The following SLC26A5 variants were observed in gnomAD, a reference collection of about 807,000 sequenced individuals.
The protein encoded by SLC26A5 is prestin.
A neutral mutation model predicts 81.0 loss-of-function variants in SLC26A5; 51 were observed. The observed-to-expected ratio is 0.63, with a 90% confidence interval of 0.50 to 0.80. The LOEUF is 0.80. Ranked by LOEUF, SLC26A5 falls within the 30% of genes least tolerant of loss-of-function variation. SLC26A5 has a pLI of 0.00. For synonymous variants in SLC26A5, 325 were observed against 332.8 expected, an observed-to-expected ratio of 0.98 and a Z score of 0.25; for missense variants, 771 against 905.8, an observed-to-expected ratio of 0.85 and a Z score of 1.91.
chr7:103,428,767 C>A (rs1825872437), intron 2 of SLC26A5, among the ~76,000 whole-genome samples: 1 of 152,028 alleles, frequency 6.6e-6, no homozygotes, highest in African/African-American at 2.4e-5. Flanking sequence ...GGGGTTTCAC[C>A]ATGTTGGCAA....
At chr7:103,400,486 G>T (rs1237768474) in intron 8 of SLC26A5, among the ~76,000 whole-genome samples, 1 of 152,166 alleles carries the variant, frequency 6.6e-6, no homozygotes, top group South Asian at 2.1e-4. Context: ...CAGATGGACA[G>T]ATTGCAAAAA....
chr7:103,398,887 T>C (rs1823361214), intron 8 of SLC26A5, among the ~76,000 whole-genome samples: 1 of 152,086 alleles, frequency 6.6e-6, no homozygotes, highest in African/African-American at 2.4e-5. Context: ...GGAGGATCCT[T>C]TTCTGTTGAT....
At chr7:103,391,483 T>C (rs1822648599) in intron 11 of SLC26A5, 139 bp downstream of exon 11, 1 of 722,274 alleles carries the variant, frequency 1.4e-6, no homozygotes, top group Admixed American at 2.1e-5. Flanking sequence ...ATCATGCCTT[T>C]CTCTGATTCC....
rs72655382 is a variant in SLC26A5 at position 103,376,862 on chromosome 7, T to C, written c.1987A>G (p.Ile663Val). The C allele has an allele frequency of 4.3e-5, 69 of 1,589,162 alleles. No individual in the cohort carries two copies. Among genetic ancestry groups the C allele is most frequent in the Non-Finnish European group, 5.5e-5 (64 of 1,157,820 alleles). ...CCGACGTCTCCATATTCTTTTACAA[T>C]CTGTAATAATGTTGAAATAAAATTT... ...DSVGVKTLAG[I>V]VKEYGDVGIY... is the part of the protein sequence containing the mutation. The change falls in exon 19 of 20, where the codon ATT becomes GTT. Residue 663 changes from isoleucine (I) to valine (V), a missense_variant and splice_region_variant. By Grantham distance (29) the Ile-to-Val change is conservative. Coordinates refer to ENST00000306312, the MANE Select transcript of SLC26A5 (RefSeq NM_198999.3).
intron 8 of SLC26A5, 55 bp from the exon 9 acceptor site, chr7:103,398,069 A>C (rs927534601): frequency 1.5e-6 from 2 of 1,308,598 alleles, no homozygotes; most frequent in Non-Finnish European, 2.2e-6. Context: ...AAATACTGCA[A>C]AAATCAGCTT....
chr7:103,403,727 G>A (rs1351711088), intron 8 of SLC26A5, among the ~76,000 whole-genome samples: 1 of 135,722 alleles, frequency 7.4e-6, no homozygotes, highest in Non-Finnish European at 1.5e-5. Flanking sequence ...TCATTTGCTT[G>A]GTATATCTTC....
intron 19 of SLC26A5, among the ~76,000 whole-genome samples, chr7:103,358,180 G>A (rs919150452): frequency 1.3e-5 from 2 of 152,138 alleles, no homozygotes; most frequent in African/African-American, 4.8e-5. Flanking sequence ...TGAAGGCGTC[G>A]TTCTGTTGTC....
chr7:103,361,528 A>G (rs571898750), intron 19 of SLC26A5, among the ~76,000 whole-genome samples: 2,127 of 150,920 alleles, frequency 0.014, 48 homozygotes, highest in African/African-American at 0.05. Context: ...AAAAAAAAAA[A>G]AAAAAGAAAA....
intron 14 of SLC26A5, among the ~76,000 whole-genome samples, chr7:103,385,659 A>C (rs2116426961): frequency 1.3e-5 from 2 of 152,114 alleles, no homozygotes; most frequent in East Asian, 3.9e-4. Context: ...CTATTATTTG[A>C]GGAAGAAAGA....
intron 19 of SLC26A5, chr7:103,368,027 T>C: frequency 6.2e-7 from 1 of 1,613,596 alleles, no homozygotes; most frequent in Non-Finnish European, 8.5e-7. Context: ...AATTCAGTGC[T>C]ACTCCTCGTT....
At chr7:103,393,576 TG>T (rs1563535420) in intron 9 of SLC26A5, among the ~76,000 whole-genome samples, 42 of 144,690 alleles carry the variant, frequency 2.9e-4, no homozygotes, top group Non-Finnish European at 4.7e-4. Context: ...CCTGTGTGTG[TG>T]TGTGTGTGTG....
intron 7 of SLC26A5, among the ~76,000 whole-genome samples, chr7:103,408,723 G>A (rs1451354031): frequency 2.6e-5 from 4 of 152,122 alleles, no homozygotes; most frequent in Non-Finnish European, 5.9e-5. Flanking sequence ...ATTGTTAGCA[G>A]GACTTTGAAG....
At chr7:103,413,220 T>A (rs960117601) in intron 4 of SLC26A5, 108 bp from the exon 5 acceptor site, 1 of 769,612 alleles carries the variant, frequency 1.3e-6, no homozygotes, top group African/African-American at 1.7e-5. Context: ...AAGCCCATCT[T>A]AATTTAAGCT....
intron 9 of SLC26A5, 120 bp downstream of exon 9, chr7:103,397,805 AAGCCCTC>A: frequency 1.3e-6 from 1 of 743,602 alleles, no homozygotes; most frequent in Non-Finnish European, 2.4e-6. Flanking sequence ...AATCCCCCTA[AAGCCCTC>A]AGCTATTTGA....
At chr7:103,364,301 C>A in intron 19 of SLC26A5, 1 of 1,613,634 alleles carries the variant, frequency 6.2e-7, no homozygotes. Context: ...AGAAATACGT[C>A]GGTGAGGTAA....
intron 1 of SLC26A5, chr7:103,445,839 G>A: frequency 6.5e-6 from 1 of 153,436 alleles, no homozygotes; most frequent in Non-Finnish European, 1.5e-5. Context: ...GTGTGGAGCT[G>A]CAGAGGGCAA....
At chr7:103,411,676 A>G (rs1824499860) in intron 5 of SLC26A5, 90 bp from the exon 6 acceptor site, 1 of 1,425,676 alleles carries the variant, frequency 7.0e-7, no homozygotes, top group Non-Finnish European at 9.9e-7. Context: ...AGGTGAGGTC[A>G]AGAAATCATG....
chr7:103,383,755 G>A (rs561225729), intron 14 of SLC26A5, among the ~76,000 whole-genome samples: 1 of 152,194 alleles, frequency 6.6e-6, no homozygotes, highest in African/African-American at 2.4e-5. Context: ...GCTCACTGTA[G>A]CCTTGAACTC....
At chr7:103,388,262 T>C (rs946782402) in intron 14 of SLC26A5, among the ~76,000 whole-genome samples, 1 of 149,196 alleles carries the variant, frequency 6.7e-6, no homozygotes, top group Non-Finnish European at 1.5e-5. Flanking sequence ...AGTGGTGTGA[T>C]CTTGGCTTAC....
Sources: gnomAD v4.1 joint callset for allele counts (sites outside exome capture counted in the v4.1 genomes callset) on GRCh38, gnomAD v4.1.1 for gene constraint, MANE v1.5 for transcripts, NCBI Gene and HGNC (gene_info 2026-07-23, HGNC 2026-07-21) for gene names.